KAZN: variants seen among roughly 807,000 people sequenced by gnomAD.
KAZN encodes kazrin.
A neutral mutation model predicts 87.4 loss-of-function variants in KAZN; 40 were observed. The observed-to-expected ratio is 0.46, with a 90% CI of 0.36 to 0.60. The LOEUF is 0.60. Among genes scored for constraint, KAZN ranks in the 20% least tolerant of loss-of-function variants. The pLI, the probability that KAZN is intolerant of heterozygous loss-of-function variation, is 0.00. For missense variants in KAZN, 898 were observed against 1,073.9 expected (o/e 0.84, Z 2.29); for synonymous variants, 466 against 458.3 (o/e 1.02, Z -0.22).
intron 1 of KAZN, among the ~76,000 whole-genome samples, chr1:13,923,256 TTATTA>T (rs1640131037): frequency 6.6e-6 from 1 of 152,016 alleles, no homozygotes; most frequent in Non-Finnish European, 1.5e-5. Context: ...AGAAAAAAGG[TTATTA>T]AGAAAATAAT....
At chr1:14,723,710 G>T (rs1438385624) in intron 1 of KAZN, among the ~76,000 whole-genome samples, 1 of 152,208 alleles carries the variant, frequency 6.6e-6, no homozygotes, top group East Asian at 1.9e-4. Context: ...TGGGGTGGAA[G>T]TGGGAGTGCA....
intron 2 of KAZN, among the ~76,000 whole-genome samples, chr1:14,235,954 C>T (rs1392510705): frequency 6.6e-6 from 1 of 152,176 alleles, no homozygotes; most frequent in East Asian, 1.9e-4. Flanking sequence ...CCCTACCCCA[C>T]GTTGCCCTGA....
chr1:14,664,977 C>T (rs1244867577), intron 1 of KAZN, among the ~76,000 whole-genome samples: 1 of 152,184 alleles, frequency 6.6e-6, no homozygotes, highest in African/African-American at 2.4e-5. Context: ...TTATTTGGCT[C>T]CTCTGCTGGT....
At chr1:14,296,467 TGTGACGAGCTCA>T (rs933074212) in intron 2 of KAZN, among the ~76,000 whole-genome samples, 1 of 152,114 alleles carries the variant, frequency 6.6e-6, no homozygotes, top group African/African-American at 2.4e-5. Flanking sequence ...CTGCCCACAC[TGTGACGAGCTCA>T]GTTCCTGCCT....
chr1:14,419,358 G>A (rs905916482), intron 2 of KAZN, among the ~76,000 whole-genome samples: 1 of 152,120 alleles, frequency 6.6e-6, no homozygotes, highest in African/African-American at 2.4e-5. Context: ...ACCCTGCCCG[G>A]CCATCCCCAT....
At chr1:14,012,413 A>G (rs544616528) in intron 1 of KAZN, among the ~76,000 whole-genome samples, 5 of 152,318 alleles carry the variant, frequency 3.3e-5, no homozygotes, top group Middle Eastern at 3.4e-3. Context: ...ACAATATCCA[A>G]TTGCTTATCT....
chr1:14,114,391 T>G (rs922928001), intron 1 of KAZN, among the ~76,000 whole-genome samples: 4 of 152,062 alleles, frequency 2.6e-5, no homozygotes, highest in Admixed American at 1.3e-4. Flanking sequence ...ACTCTGGCGA[T>G]TTGCAGAATC....
At chr1:14,372,402 C>T (rs76153281) in intron 2 of KAZN, among the ~76,000 whole-genome samples, 7,425 of 152,216 alleles carry the variant, frequency 0.049, 430 homozygotes, top group East Asian at 0.21. Context: ...GATGGGATTT[C>T]TCAACCTTCG....
chr1:14,446,626 C>G (rs1340281316), intron 2 of KAZN, among the ~76,000 whole-genome samples: 1 of 152,100 alleles, frequency 6.6e-6, no homozygotes, highest in Non-Finnish European at 1.5e-5. Flanking sequence ...CCATTCTTCC[C>G]CATCCAACGT....
At chr1:15,008,469 G>A (rs2102063564) in intron 2 of KAZN, among the ~76,000 whole-genome samples, 1 of 152,354 alleles carries the variant, frequency 6.6e-6, no homozygotes, top group East Asian at 1.9e-4. Context: ...AGTAGGTTGT[G>A]TGAGGTGAGT....
intron 1 of KAZN, among the ~76,000 whole-genome samples, chr1:14,176,816 T>C (rs1646087744): frequency 6.6e-6 from 1 of 152,238 alleles, no homozygotes; most frequent in Non-Finnish European, 1.5e-5. Context: ...ACGATATCCA[T>C]CTTTAACACA....
At chr1:14,995,768 C>T (rs1376316951) in intron 2 of KAZN, among the ~76,000 whole-genome samples, 1 of 152,196 alleles carries the variant, frequency 6.6e-6, no homozygotes, top group Non-Finnish European at 1.5e-5. Flanking sequence ...AAGCTCTCTC[C>T]TGCCCAGCCC....
At chr1:14,144,979 G>A (rs1026007881) in intron 1 of KAZN, among the ~76,000 whole-genome samples, 30 of 152,294 alleles carry the variant, frequency 2.0e-4, no homozygotes, top group South Asian at 4.1e-4. Context: ...TCCACATGAG[G>A]ATTGGAGGGA....
chr1:14,335,387 G>C (rs148084955), intron 2 of KAZN, among the ~76,000 whole-genome samples: 5 of 151,998 alleles, frequency 3.3e-5, no homozygotes, highest in African/African-American at 9.7e-5. Flanking sequence ...ATTTTTAGTA[G>C]AGACGGGGTT....
intron 1 of KAZN, among the ~76,000 whole-genome samples, chr1:14,031,886 A>T (rs534069843): frequency 0.048 from 7,331 of 152,236 alleles, 608 homozygotes; most frequent in African/African-American, 0.17. Flanking sequence ...ACCCAAAGAA[A>T]CTTGCTTTTC....
intron 2 of KAZN, among the ~76,000 whole-genome samples, chr1:14,501,290 A>G (rs1395845178): frequency 6.6e-6 from 1 of 152,134 alleles, no homozygotes; most frequent in African/African-American, 2.4e-5. Flanking sequence ...AGAGAAAGAA[A>G]AAAGTATCCA....
intron 1 of KAZN, among the ~76,000 whole-genome samples, chr1:14,755,349 G>A (rs1032835288): frequency 3.9e-5 from 6 of 152,098 alleles, no homozygotes; most frequent in African/African-American, 1.4e-4. Context: ...TGCTGCCCCT[G>A]ACCCCACTCC....
intron 2 of KAZN, among the ~76,000 whole-genome samples, chr1:14,534,882 G>C (rs1356668924): frequency 6.6e-6 from 1 of 152,060 alleles, no homozygotes; most frequent in Non-Finnish European, 1.5e-5. Context: ...TCTCCTCTGA[G>C]CCTGGCAGAG....
intron 1 of KAZN, among the ~76,000 whole-genome samples, chr1:13,955,750 C>T (rs150246970): frequency 1.3e-5 from 2 of 152,314 alleles, no homozygotes; most frequent in East Asian, 3.9e-4. Flanking sequence ...ATATAACTAA[C>T]ATTTTCTCTT....
Sources: gnomAD v4.1 joint callset for allele counts (sites outside exome capture counted in the v4.1 genomes callset) on GRCh38, gnomAD v4.1.1 for gene constraint, MANE v1.5 for transcripts, NCBI Gene and HGNC (gene_info 2026-07-23, HGNC 2026-07-21) for gene names.